Variants in WWC1 observed in about 807,000 individuals in gnomAD.
The protein encoded by WWC1 is protein KIBRA.
In WWC1, 55 loss-of-function variants were observed where a neutral mutation model predicts 138.4. That is an observed-to-expected ratio of 0.40 (90% confidence interval 0.32 to 0.50). WWC1 has a LOEUF of 0.50. Ranked by LOEUF, WWC1 falls within the 20% of genes least tolerant of loss-of-function variation. The pLI, the probability that WWC1 is intolerant of heterozygous loss-of-function variation, is 0.72. For synonymous variants in WWC1, 524 were observed against 564.9 expected (o/e 0.93, Z 1.03); for missense variants, 1,226 against 1,420.4 (o/e 0.86, Z 2.20).
At chr5:168,412,788 C>T (rs781523399) in intron 8 of WWC1, among the ~76,000 whole-genome samples, 1 of 152,068 alleles carries the variant, frequency 6.6e-6, no homozygotes, top group Non-Finnish European at 1.5e-5. Flanking sequence ...ATAGCATTTA[C>T]ATTGTGTTGG....
At chr5:168,450,635 C>T (rs1755712992) in intron 17 of WWC1, among the ~76,000 whole-genome samples, 1 of 152,064 alleles carries the variant, frequency 6.6e-6, no homozygotes, top group African/African-American at 2.4e-5. Flanking sequence ...CACTGCACTC[C>T]AGCCTGGGCA....
chr5:168,311,074 A>C lies in WWC1; in HGVS notation c.119+18803A>C, dbSNP rs143466607. Among the ~76,000 whole-genome samples the C allele has an allele frequency of 1.6e-4, 25 of 152,216 alleles. No individual in the cohort carries two copies. The East Asian group carries it at 4.6e-3, about 28-fold the overall frequency. On this transcript the variant is annotated intron_variant, in intron 1 of 22. Transcript: ENST00000265293. ...TTCATTGGTCCTTGGCTTCTAGCCT[A>C]CCTGGGTTGGTGTCAGTTCCCAAGC...
At chr5:168,358,134 AG>A (rs1397740831) in intron 1 of WWC1, among the ~76,000 whole-genome samples, 1 of 152,232 alleles carries the variant, frequency 6.6e-6, no homozygotes, top group Non-Finnish European at 1.5e-5. Flanking sequence ...GGTCTCAGGA[AG>A]GCCCTGTCTA....
At chr5:168,369,553 C>G (rs577222778) in intron 1 of WWC1, among the ~76,000 whole-genome samples, 12 of 152,134 alleles carry the variant, frequency 7.9e-5, no homozygotes, top group Non-Finnish European at 1.8e-4. Flanking sequence ...CAGGTGTGTA[C>G]CACCATACCC....
rs151150662 is a variant in WWC1 at position 168,365,980 on chromosome 5, A to C, written c.120-5444A>C. On this transcript the variant is annotated intron_variant, in intron 1 of 22. Coordinates refer to ENST00000265293, the MANE Select transcript of WWC1 (RefSeq NM_015238.3). ...GGATGGTGGTGAATTGCTTCACCCG[A>C]GGGTGGGGGCTGGGAGTTCCAGGCA... Among the ~76,000 whole-genome samples the C allele has an allele frequency of 7.5e-3, 1,142 of 152,302 alleles. 8 individuals are homozygous for C. Among genetic ancestry groups the C allele is most frequent in the Non-Finnish European group, 0.011 (778 of 68,026 alleles).
chr5:168,445,651 G>A (rs1483096231), intron 17 of WWC1, among the ~76,000 whole-genome samples: 1 of 143,786 alleles, frequency 7.0e-6, no homozygotes, highest in Non-Finnish European at 1.5e-5. Context: ...GCAGTGAACC[G>A]AGATTGCGCC....
At chr5:168,359,056 G>A (rs1410756155) in intron 1 of WWC1, among the ~76,000 whole-genome samples, 1 of 151,726 alleles carries the variant, frequency 6.6e-6, no homozygotes, top group Non-Finnish European at 1.5e-5. Context: ...GTGTGTGTGT[G>A]TGTGTGTGTG....
chr5:168,433,328 G>A (rs908939383), intron 15 of WWC1, among the ~76,000 whole-genome samples: 1 of 152,240 alleles, frequency 6.6e-6, no homozygotes, highest in Non-Finnish European at 1.5e-5. Flanking sequence ...GGCCAATGCT[G>A]CTGGTTCCTG....
At chr5:168,454,222 C>T (rs1582362769) in intron 18 of WWC1, 122 bp downstream of exon 18, 3 of 1,420,788 alleles carry the variant, frequency 2.1e-6, no homozygotes, top group East Asian at 4.7e-5. Flanking sequence ...CACAAGCCCT[C>T]ATAATGGAGT....
intron 1 of WWC1, among the ~76,000 whole-genome samples, chr5:168,339,832 T>TTCTTTCTTTCTTTCTTTC (rs796623514): frequency 0.021 from 1,021 of 48,332 alleles, 20 homozygotes; most frequent in African/African-American, 0.037. Context: ...CTTTCTTTCT[T>TTCTTTCTTTCTTTCTTTC]TTTCTTTTCT....
In WWC1 at chr5:168,371,537, A is replaced by G. The variant is rs2152807543; in HGVS notation, c.229+4A>G. 6.2e-7 allele frequency: 1 copy of G among 1,608,860 alleles called. No homozygotes were observed. On this transcript the variant is annotated splice_donor_region_variant and intron_variant, in intron 2 of 22. Transcript: ENST00000265293. ...TACTTCATAGACCACAACACCAGTA[A>G]GTTCCCGACGGTCCTCCCTTCCCTG...
chr5:168,314,844 G>T (rs939073024), intron 1 of WWC1, among the ~76,000 whole-genome samples: 1 of 152,194 alleles, frequency 6.6e-6, no homozygotes, highest in African/African-American at 2.4e-5. Context: ...GTGGCAGGAG[G>T]TGTGGCCAGA....
At chr5:168,449,717 G>A (rs1356666864) in intron 17 of WWC1, among the ~76,000 whole-genome samples, 1 of 152,008 alleles carries the variant, frequency 6.6e-6, no homozygotes, top group East Asian at 1.9e-4. Flanking sequence ...GGGATTACAG[G>A]CATGTGCCAC....
intron 1 of WWC1, among the ~76,000 whole-genome samples, chr5:168,364,334 A>G (rs765605232): frequency 2.0e-5 from 3 of 151,108 alleles, no homozygotes; most frequent in Non-Finnish European, 4.4e-5. Context: ...CCCTGACTAC[A>G]CCCCATTGCT....
At chr5:168,447,921 A>C (rs1755428679) in intron 17 of WWC1, among the ~76,000 whole-genome samples, 1 of 151,662 alleles carries the variant, frequency 6.6e-6, no homozygotes, top group Admixed American at 6.6e-5. Flanking sequence ...TCTACTACGG[A>C]TCACACAGGC....
chr5:168,403,423 A>G (rs1178043827), intron 5 of WWC1, among the ~76,000 whole-genome samples: 6 of 152,042 alleles, frequency 3.9e-5, no homozygotes, highest in Admixed American at 3.3e-4. Context: ...AAGAGCAGCT[A>G]TGTCACCTGT....
chr5:168,453,754 C>G (rs1756045079), intron 17 of WWC1, among the ~76,000 whole-genome samples: 1 of 152,048 alleles, frequency 6.6e-6, no homozygotes, highest in Non-Finnish European at 1.5e-5. Flanking sequence ...CCATGTTGGC[C>G]AGGCTTGTCT....
At chr5:168,450,368 G>A (rs562879289) in intron 17 of WWC1, among the ~76,000 whole-genome samples, 142 of 152,024 alleles carry the variant, frequency 9.3e-4, no homozygotes, top group Non-Finnish European at 1.5e-3. Context: ...CTTACATCAT[G>A]TATAAAAATT....
At chr5:168,443,989 C>T (rs113658653) in intron 16 of WWC1, among the ~76,000 whole-genome samples, 1 of 152,200 alleles carries the variant, frequency 6.6e-6, no homozygotes, top group Non-Finnish European at 1.5e-5. Context: ...TTCCTCAAGT[C>T]ACATGGGCTT....
Sources: allele counts gnomAD v4.1 joint callset (sites outside exome capture counted in the v4.1 genomes callset), GRCh38; gene constraint gnomAD v4.1.1; transcripts MANE v1.5; gene names NCBI Gene and HGNC (gene_info 2026-07-23, HGNC 2026-07-21).